Variants in NETO2 observed in about 807,000 individuals in gnomAD.
The protein encoded by NETO2 is neuropilin and tolloid like 2.
Under a neutral mutation model 62.5 loss-of-function variants are expected in NETO2, and 28 were observed. That is an observed-to-expected ratio of 0.45 (90% CI 0.33 to 0.61). The LOEUF (loss-of-function observed/expected upper bound fraction) is 0.61, where lower values mean the gene tolerates loss of function less well. Ranked by LOEUF, NETO2 falls within the 20% of genes least tolerant of loss-of-function variation. The pLI is 0.02. For synonymous variants in NETO2, 214 were observed against 219.1 expected (o/e 0.98, Z 0.21); for missense variants, 548 against 643.2 (o/e 0.85, Z 1.60).
intron 7 of NETO2, among the ~76,000 whole-genome samples, chr16:47,100,046 C>T (rs1395178406): frequency 6.6e-6 from 1 of 152,098 alleles, no homozygotes; most frequent in Non-Finnish European, 1.5e-5. Context: ...CTAAAATTGA[C>T]CACATAATTG....
intron 8 of NETO2, among the ~76,000 whole-genome samples, chr16:47,085,640 T>G (rs938627445): frequency 4.6e-5 from 7 of 151,886 alleles, no homozygotes; most frequent in Non-Finnish European, 8.8e-5. Flanking sequence ...TGCCTCAGCC[T>G]CCCAAAGTGC....
At chr16:47,133,149 T>C (rs146019081) in intron 1 of NETO2, among the ~76,000 whole-genome samples, 1 of 152,158 alleles carries the variant, frequency 6.6e-6, no homozygotes, top group African/African-American at 2.4e-5. Flanking sequence ...GAAGGCATAA[T>C]GGAAGCAGAA....
At chr16:47,133,988 T>C (rs1964321055) in intron 1 of NETO2, among the ~76,000 whole-genome samples, 3 of 152,052 alleles carry the variant, frequency 2.0e-5, no homozygotes, top group Admixed American at 2.0e-4. Flanking sequence ...ATTACCATCT[T>C]TGAAGCAGAG....
At position 47,143,649 on chromosome 16, in the gene NETO2, G is replaced by A. The variant is rs1179218181; in HGVS notation, c.-37C>T. 5 of 1,219,870 alleles carry A rather than the reference G, an allele frequency of 4.1e-6. No individual in the cohort carries two copies. The African/African-American group carries it at 4.7e-5, about 12-fold the overall frequency. 75.6% of individuals were successfully genotyped at this position (1,219,870 alleles called of 1,614,324 possible). ...GCCCGGCGCTTCGCGAAGGGCTGAG[G>A]TAGCGGCGGCGGTGGCTCGGCGCTC... On this transcript the variant is annotated 5_prime_UTR_variant, in exon 1 of 9. Transcript: ENST00000562435.
intron 6 of NETO2, among the ~76,000 whole-genome samples, chr16:47,113,988 A>G (rs960541077): frequency 1.3e-5 from 2 of 152,050 alleles, no homozygotes; most frequent in African/African-American, 4.8e-5. Context: ...GTTTTTTTCC[A>G]TAAACATAAG....
chr16:47,102,898 T>C (rs1378110402), intron 7 of NETO2, among the ~76,000 whole-genome samples: 2 of 152,208 alleles, frequency 1.3e-5, no homozygotes, highest in African/African-American at 4.8e-5. Context: ...CTCAAGGATC[T>C]AGAACCAGAA....
At chr16:47,109,307 T>C (rs1234450295) in intron 7 of NETO2, among the ~76,000 whole-genome samples, 176 bp downstream of exon 7, 1 of 151,674 alleles carries the variant, frequency 6.6e-6, no homozygotes, top group African/African-American at 2.4e-5. Context: ...CCTCTAAAAA[T>C]TAAATAAAAT....
intron 2 of NETO2, 128 bp from the exon 3 acceptor site, chr16:47,129,492 C>G: frequency 2.2e-6 from 2 of 896,872 alleles, no homozygotes; most frequent in Non-Finnish European, 3.4e-6. Flanking sequence ...GAACCACTGT[C>G]AAATTTAGCA....
At chr16:47,134,789 T>C (rs967547118) in intron 1 of NETO2, among the ~76,000 whole-genome samples, 3 of 152,212 alleles carry the variant, frequency 2.0e-5, no homozygotes, top group African/African-American at 7.2e-5. Context: ...AATTACGGTA[T>C]ACAATGACCA....
intron 7 of NETO2, among the ~76,000 whole-genome samples, chr16:47,093,850 T>C (rs1963367719): frequency 6.6e-6 from 1 of 152,260 alleles, no homozygotes; most frequent in Non-Finnish European, 1.5e-5. Flanking sequence ...GTCACACTTT[T>C]GTATTTACAA....
At chr16:47,117,281 G>A (rs1963942125) in intron 6 of NETO2, among the ~76,000 whole-genome samples, 1 of 152,066 alleles carries the variant, frequency 6.6e-6, no homozygotes, top group Non-Finnish European at 1.5e-5. Flanking sequence ...ATTTTTCTCT[G>A]GTAGACCTCA....
Position 47,128,365 on chromosome 16 carries a change from A to G in NETO2, c.441T>C (p.Leu147=), listed in dbSNP as rs1226489042. The G allele has an allele frequency of 1.9e-6, 3 of 1,614,052 alleles. No homozygotes were observed. The South Asian group carries it at 3.3e-5, about 18-fold the overall frequency. The change falls in exon 4 of 9, where the codon CTT becomes CTC. Residue 147 remains leucine (L), a synonymous_variant. Transcript: ENST00000562435. ...MWIKFSSDEE[L]EGLGFRAKYS... ...ATTTTGCTCGAAATCCCAGTCCTTC[A>G]AGCTCTTCATCAGAACTAAACTTAA...
rs549880308 is a variant in NETO2 at position 47,082,315 on chromosome 16, C to T, written c.*906G>A. 5 of 152,290 alleles carry T rather than the reference C, an allele frequency of 3.3e-5. No individual in the cohort carries two copies. The highest frequency in any genetic ancestry group is 1.9e-4 in the East Asian group (1 of 5,186). The allele number at this position is 152,290 out of a possible 1,614,324, so 9.4% of individuals were successfully genotyped here. The stretch of plus-strand genomic sequence containing the variant: ...GAATGGGAGCTATGTAACAATCTAG[C>T]GAAGAGAAACATTGCAAATAAATGT... On this transcript the variant is annotated 3_prime_UTR_variant, in exon 9 of 9. Transcript: ENST00000562435.
rs766715523 is a variant in NETO2, at chr16:47,083,303, C to T, written c.1496G>A (p.Arg499Gln). ...HECPEQALED[R>Q]VMEEIPCEIY... is the part of the protein sequence containing the mutation. ...TTCACAGGGAATCTCCTCCATTACT[C>T]GGTCTTCCAGGGCCTGCTCAGGGCA... is the stretch of plus-strand genomic sequence containing the variant. The change falls in exon 9 of 9, where the codon CGA becomes CAA. Residue 499 changes from arginine to glutamine, a missense_variant. Arg to Gln is a conservative substitution (Grantham distance 43, BLOSUM62 1). Coordinates refer to ENST00000562435, the MANE Select transcript of NETO2 (RefSeq NM_018092.5). 4.2e-5 allele frequency: 68 copies of T among 1,614,100 alleles called. No individual in the cohort carries two copies. Among genetic ancestry groups the T allele is most frequent in the Admixed American group, 3.7e-4 (22 of 60,008 alleles).
At chr16:47,116,990 G>T (rs1963936257) in intron 6 of NETO2, among the ~76,000 whole-genome samples, 1 of 152,098 alleles carries the variant, frequency 6.6e-6, no homozygotes, top group Admixed American at 6.6e-5. Flanking sequence ...TGGTAAAATG[G>T]TTGAAATTTA....
chr16:47,139,836 C>A (rs1007468463), intron 1 of NETO2, among the ~76,000 whole-genome samples: 3 of 152,198 alleles, frequency 2.0e-5, no homozygotes, highest in African/African-American at 7.2e-5. Flanking sequence ...TCGAGCTGAT[C>A]TGAGATGGCG....
In NETO2 at chr16:47,088,102, AT is replaced by A. The variant is rs923185675; in HGVS notation, c.884-1764del. Among the ~76,000 whole-genome samples the A allele has an allele frequency of 2.2e-3, 329 of 151,290 alleles. 2 individuals are homozygous for A. The highest frequency in any genetic ancestry group is 7.7e-3 in the African/African-American group (319 of 41,218). ...CGACAGAAGCCCAAAAACCTTAGCA[AT>A]TTTTTTTTCTTTTTTTTTGGAGATG... is the stretch of plus-strand genomic sequence containing the variant. On this transcript the variant is annotated intron_variant, in intron 7 of 8. Transcript: ENST00000562435.
chr16:47,129,183 T>C (rs371884129), intron 3 of NETO2, 41 bp downstream of exon 3: 127 of 1,592,418 alleles, frequency 8.0e-5, no homozygotes, highest in Non-Finnish European at 1.1e-4. Flanking sequence ...AGTTTTACAA[T>C]AAAGTAAAAA....
intron 7 of NETO2, among the ~76,000 whole-genome samples, chr16:47,103,934 G>A (rs775213664): frequency 6.6e-6 from 1 of 152,166 alleles, no homozygotes; most frequent in Non-Finnish European, 1.5e-5. Flanking sequence ...ATAATCAGTA[G>A]TGAAGGACAG....
Sources: allele counts gnomAD v4.1 joint callset (sites outside exome capture counted in the v4.1 genomes callset), GRCh38; gene constraint gnomAD v4.1.1; transcripts MANE v1.5; gene names NCBI Gene and HGNC (gene_info 2026-07-23, HGNC 2026-07-21).